Variants in CCDC85C observed in about 807,000 individuals in gnomAD.
The protein encoded by CCDC85C is coiled-coil domain containing 85C.
CCDC85C carries 18 observed loss-of-function variants against 38.3 expected under a neutral mutation model. The observed-to-expected ratio is 0.47, with a 90% CI of 0.33 to 0.70. CCDC85C has a LOEUF of 0.70. Among genes scored for constraint, CCDC85C ranks in the 30% least tolerant of loss-of-function variants. The probability of loss-of-function intolerance (pLI) is 0.03; values close to 1 mark genes in which losing one functional copy is unlikely to be tolerated. For missense variants in CCDC85C, 566 were observed against 621.2 expected, an observed-to-expected ratio of 0.91 and a Z score of 0.94; for synonymous variants, 264 against 293.8, an observed-to-expected ratio of 0.90 and a Z score of 1.04.
chr14:99,546,263 GC>G (rs1897806670), intron 1 of CCDC85C, among the ~76,000 whole-genome samples: 1 of 151,980 alleles, frequency 6.6e-6, no homozygotes, highest in African/African-American at 2.4e-5. Flanking sequence ...CCACAGCTCT[GC>G]CCCGGAGCCT....
In CCDC85C at chr14:99,511,690, C is replaced by A. The variant is rs1417691970; in HGVS notation, c.*3556G>T. On this transcript the variant is annotated 3_prime_UTR_variant, in exon 6 of 6. Transcript: ENST00000380243. ...CCAAGGCACTCTGGGTGGATCCGCA[C>A]AGCTGCCTGCCAAGCCAGCCTGCCC... 6.6e-6 allele frequency: 1 copy of A among 152,566 alleles called. No homozygotes were observed. The highest frequency in any genetic ancestry group is 1.5e-5 in the Non-Finnish European group (1 of 68,098). 9.5% of individuals were successfully genotyped at this position (152,566 alleles called of 1,614,324 possible).
chr14:99,577,715 A>G (rs1460921896), intron 1 of CCDC85C, among the ~76,000 whole-genome samples: 7 of 148,654 alleles, frequency 4.7e-5, no homozygotes, highest in Non-Finnish European at 8.9e-5. Flanking sequence ...CTCCACACCC[A>G]TACAGCCCGT....
At chr14:99,562,651 TGA>T (rs1329378032) in intron 1 of CCDC85C, among the ~76,000 whole-genome samples, 2 of 152,092 alleles carry the variant, frequency 1.3e-5, no homozygotes, top group Non-Finnish European at 2.9e-5. Flanking sequence ...CCAACCTGGG[TGA>T]GAGGTGTGTC....
chr14:99,525,078 G>A (rs6575726), intron 2 of CCDC85C, among the ~76,000 whole-genome samples: 133,350 of 152,254 alleles, frequency 0.88, 60,449 homozygotes, highest in East Asian at 1. Context: ...TGAGTGTCCT[G>A]GACTAGGGAG....
chr14:99,577,300 A>G (rs1170928347), intron 1 of CCDC85C, among the ~76,000 whole-genome samples: 2 of 151,296 alleles, frequency 1.3e-5, no homozygotes, highest in African/African-American at 4.8e-5. Context: ...GGAGTGTCCT[A>G]GAGCCCACTT....
chr14:99,560,169 C>T (rs1223175250), intron 1 of CCDC85C, among the ~76,000 whole-genome samples: 1 of 152,122 alleles, frequency 6.6e-6, no homozygotes, highest in East Asian at 1.9e-4. Flanking sequence ...CCAGAGTGGC[C>T]TCCACCAAAG....
Position 99,502,067 on chromosome 14 carries a change from G to A in CCDC85C, c.*13179C>T, listed in dbSNP as rs1896844273. 5 of 828,618 alleles carry A rather than the reference G, an allele frequency of 6.0e-6. No homozygotes were observed. The highest frequency in any genetic ancestry group is 4.8e-5 in the South Asian group (2 of 41,936). 51.3% of individuals were successfully genotyped at this position (828,618 alleles called of 1,614,324 possible). On this transcript the variant is annotated 3_prime_UTR_variant, in exon 6 of 6. Coordinates refer to ENST00000380243, the MANE Select transcript of CCDC85C (RefSeq NM_001144995.2). ...GGTACCTTTAGAAGAGTAAAGACTT[G>A]AGTTTATTTATTTATAGTACTTTAA...
At chr14:99,575,873 C>T (rs979776242) in intron 1 of CCDC85C, among the ~76,000 whole-genome samples, 3 of 152,184 alleles carry the variant, frequency 2.0e-5, no homozygotes, top group African/African-American at 7.2e-5. Context: ...CCCCCACAGA[C>T]CGCCTGTGGT....
rs1057475163 is a variant in CCDC85C, at chr14:99,503,132, G to A, written c.*12114C>T. The stretch of plus-strand genomic sequence containing the variant: ...TCGCAGTCCGACTGCTTGTCGGTGG[G>A]GAGCCTGAAAACAAAGGTGCTCCAA... On this transcript the variant is annotated 3_prime_UTR_variant, in exon 6 of 6. Transcript: ENST00000380243. 67 of 934,646 alleles carry A rather than the reference G, an allele frequency of 7.2e-5. No individual in the cohort carries two copies. The highest frequency in any genetic ancestry group is 1.1e-4 in the Non-Finnish European group (64 of 585,284). 57.9% of individuals were successfully genotyped at this position (934,646 alleles called of 1,614,324 possible). A position where few individuals can be genotyped will look rare whatever the true frequency, so the allele number is the denominator to read the frequency against.
At chr14:99,532,979 G>T (rs1303864796) in intron 2 of CCDC85C, among the ~76,000 whole-genome samples, 1 of 151,994 alleles carries the variant, frequency 6.6e-6, no homozygotes, top group Non-Finnish European at 1.5e-5. Flanking sequence ...ACGAGGTTTT[G>T]CTGTGTTGCC....
At chr14:99,555,775 T>C (rs995522761) in intron 1 of CCDC85C, among the ~76,000 whole-genome samples, 2 of 152,196 alleles carry the variant, frequency 1.3e-5, no homozygotes, top group African/African-American at 4.8e-5. Flanking sequence ...GACATCTGCA[T>C]GTCTCCAAGA....
intron 2 of CCDC85C, 116 bp from the exon 3 acceptor site, chr14:99,522,356 C>T: frequency 1.5e-6 from 1 of 666,158 alleles, no homozygotes; most frequent in Non-Finnish European, 2.5e-6. Context: ...CCCGGAGGAC[C>T]CCTCCACCCT....
chr14:99,515,902 G>C (rs923433951), intron 5 of CCDC85C, among the ~76,000 whole-genome samples: 2 of 152,046 alleles, frequency 1.3e-5, no homozygotes, highest in African/African-American at 2.4e-5. Context: ...CCAGTCCCGG[G>C]GGGGTGGGGG....
intron 1 of CCDC85C, among the ~76,000 whole-genome samples, chr14:99,571,693 G>GA (rs376452480): frequency 1.3e-4 from 20 of 152,328 alleles, no homozygotes; most frequent in African/African-American, 4.3e-4. Context: ...ACTCCTTAGA[G>GA]AAAAAAAGTG....
chr14:99,570,457 C>A (rs547709394), intron 1 of CCDC85C, among the ~76,000 whole-genome samples: 3 of 152,222 alleles, frequency 2.0e-5, no homozygotes, highest in African/African-American at 7.2e-5. Context: ...ACGGACACCA[C>A]TCTGTGGATG....
At chr14:99,564,581 C>T (rs1389826361) in intron 1 of CCDC85C, among the ~76,000 whole-genome samples, 1 of 152,232 alleles carries the variant, frequency 6.6e-6, no homozygotes, top group Non-Finnish European at 1.5e-5. Flanking sequence ...TCTCTACCAC[C>T]TGACTCTGAG....
At position 99,507,277 on chromosome 14, in the gene CCDC85C, T is replaced by C. The variant is rs1896999220; in HGVS notation, c.*7969A>G. On this transcript the variant is annotated 3_prime_UTR_variant, in exon 6 of 6. Transcript: ENST00000380243. ...ACAATGTCAGCCACAGGCAGGAATC[T>C]TTGCAAAATTGTTCTTGGGCTGGGC... is the stretch of plus-strand genomic sequence containing the variant. 1.5e-5 allele frequency: 11 copies of C among 729,392 alleles called. No individual in the cohort carries two copies. The Admixed American group carries it at 1.7e-4, about 12-fold the overall frequency. The allele number at this position is 729,392 out of a possible 1,614,324, so 45.2% of individuals were successfully genotyped here.
At position 99,591,867 on chromosome 14, in the gene CCDC85C, T is replaced by C. The variant is rs529563624; in HGVS notation, c.793+11300A>G. Reference sequence around the variant, plus strand: ...CTCCTGCCTCAGCCTCCCGAGTAACTGGGATTACAGGCATGTACCACCATG... The same window carrying C: ...CTCCTGCCTCAGCCTCCCGAGTAACCGGGATTACAGGCATGTACCACCATG... On this transcript the variant is annotated intron_variant, in intron 1 of 5. Coordinates refer to ENST00000380243, the MANE Select transcript of CCDC85C (RefSeq NM_001144995.2). 5.3e-5 allele frequency among the ~76,000 whole-genome samples: 8 copies of C among 151,778 alleles called. No individual in the cohort carries two copies. The East Asian group carries it at 1.4e-3, about 26-fold the overall frequency.
chr14:99,561,684 C>T (rs995166308), intron 1 of CCDC85C, among the ~76,000 whole-genome samples: 3 of 152,184 alleles, frequency 2.0e-5, no homozygotes, highest in South Asian at 2.1e-4. Flanking sequence ...GGGGCCCAGG[C>T]GCACACCACA....
Sources: allele counts gnomAD v4.1 joint callset (sites outside exome capture counted in the v4.1 genomes callset), GRCh38; gene constraint gnomAD v4.1.1; transcripts MANE v1.5; gene names NCBI Gene and HGNC (gene_info 2026-07-23, HGNC 2026-07-21).